P2RY8: variants seen among roughly 807,000 people sequenced by gnomAD.
P2RY8 encodes P2Y receptor family member 8.
Under a neutral mutation model 10.0 loss-of-function variants are expected in P2RY8, and 6 were observed. The ratio of observed to expected loss-of-function variants is 0.60; its 90% confidence interval spans 0.33 to 1.19. The LOEUF is 1.19. Among genes scored for constraint, P2RY8 ranks in the 50% most tolerant of loss-of-function variants. The pLI, the probability that P2RY8 is intolerant of heterozygous loss-of-function variation, is 0.04. For missense variants in P2RY8, 456 were observed against 542.0 expected (o/e 0.84, Z 1.58); for synonymous variants, 276 against 252.5 (o/e 1.09, Z -0.88).
intron 1 of P2RY8, among the ~76,000 whole-genome samples, chrX:1,479,300 G>A (rs1227051845): frequency 6.6e-6 from 1 of 152,202 alleles, no homozygotes; most frequent in Admixed American, 6.5e-5. Flanking sequence ...ATGTCTTGTG[G>A]TGTCTCTAAC....
chrX:1,475,357 C>T (rs2091863532), intron 1 of P2RY8, among the ~76,000 whole-genome samples: 1 of 151,768 alleles, frequency 6.6e-6, no homozygotes, highest in South Asian at 2.1e-4. Flanking sequence ...CCATGAAATG[C>T]CGATTGTTTC....
chrX:1,469,821 C>T (rs1334488678), intron 1 of P2RY8, among the ~76,000 whole-genome samples: 1 of 151,902 alleles, frequency 6.6e-6, no homozygotes, highest in Non-Finnish European at 1.5e-5. Context: ...ATGGCCTGAA[C>T]CCGGGAGGCG....
At chrX:1,472,292 C>G in intron 1 of P2RY8, among the ~76,000 whole-genome samples, 1 of 151,206 alleles carries the variant, frequency 6.6e-6, no homozygotes, top group East Asian at 1.9e-4. Flanking sequence ...AATTTAGGCA[C>G]AGACACAGAG....
At chrX:1,491,682 G>A (rs2092052164) in intron 1 of P2RY8, among the ~76,000 whole-genome samples, 1 of 152,090 alleles carries the variant, frequency 6.6e-6, no homozygotes, top group Non-Finnish European at 1.5e-5. Context: ...TGAGAATACA[G>A]AGCGAATGAG....
At chrX:1,505,137 C>CAAAAAAAAAAA (rs1175803425) in intron 1 of P2RY8, among the ~76,000 whole-genome samples, 1 of 99,734 alleles carries the variant, frequency 1.0e-5, no homozygotes, top group Non-Finnish European at 2.0e-5. Flanking sequence ...GACTCTGTCT[C>CAAAAAAAAAAA]AAAAAAAAAA....
intron 1 of P2RY8, among the ~76,000 whole-genome samples, chrX:1,504,278 T>G (rs1304190327): frequency 6.6e-6 from 1 of 150,542 alleles, no homozygotes; most frequent in Non-Finnish European, 1.5e-5. Context: ...ATGGCGCCAC[T>G]GCACTCCAGC....
At chrX:1,527,548 TATTC>T (rs1180958634) in intron 1 of P2RY8, among the ~76,000 whole-genome samples, 1 of 152,042 alleles carries the variant, frequency 6.6e-6, no homozygotes, top group African/African-American at 2.4e-5. Flanking sequence ...TTCATGTATC[TATTC>T]ATTCAATCAT....
Position 1,537,171 on chromosome X carries a change from C to T in P2RY8, c.-275G>A, listed in dbSNP as rs181962587. 8.6e-6 allele frequency: 2 copies of T among 232,626 alleles called. No homozygotes were observed. 14.4% of individuals were successfully genotyped at this position (232,626 alleles called of 1,614,324 possible). A position where few individuals can be genotyped will look rare whatever the true frequency, so the allele number is the denominator to read the frequency against. On this transcript the variant is annotated 5_prime_UTR_variant, in exon 1 of 2. The change creates a new upstream start codon in the 5' untranslated region. Transcript: ENST00000381297. ...TCGCTGGGTGGCCCACCGGCTGGCA[C>T]GACTGTCTCCGAATGCAAATTCTGC...
chrX:1,466,895 C>T (rs1318748690), intron 1 of P2RY8, among the ~76,000 whole-genome samples: 1 of 149,394 alleles, frequency 6.7e-6, no homozygotes, highest in Admixed American at 6.7e-5. Flanking sequence ...TCCTTCCCGC[C>T]CTCCCTCCCT....
At chrX:1,518,445 T>A (rs1167875384) in intron 1 of P2RY8, among the ~76,000 whole-genome samples, 30 of 146,638 alleles carry the variant, frequency 2.0e-4, no homozygotes, top group South Asian at 4.3e-4. Flanking sequence ...AAAATAATAA[T>A]AATATAATAA....
intron 1 of P2RY8, among the ~76,000 whole-genome samples, chrX:1,478,249 A>AG (rs2091897787): frequency 6.7e-6 from 1 of 148,342 alleles, no homozygotes; most frequent in African/African-American, 2.5e-5. Flanking sequence ...TGGCAGGCGT[A>AG]TGTGTGTGTG....
intron 1 of P2RY8, among the ~76,000 whole-genome samples, chrX:1,486,756 G>A (rs758769811): frequency 6.6e-6 from 1 of 152,326 alleles, no homozygotes; most frequent in South Asian, 2.1e-4. Flanking sequence ...CTTGAAGCAG[G>A]AAGGACATTC....
At position 1,524,391 on chromosome X, in the gene P2RY8, A is replaced by C. The variant is rs1430081702; in HGVS notation, c.-25+12530T>G. On this transcript the variant is annotated intron_variant, in intron 1 of 1. Transcript: ENST00000381297. ...CATCCACTCATCCATCCATCCATCCATCCCTCCATCCATGCATGCATCCAT... is the reference window on the plus strand; with the variant it reads ...CATCCACTCATCCATCCATCCATCCCTCCCTCCATCCATGCATGCATCCAT... Among the ~76,000 whole-genome samples, 8 of 136,676 alleles carry C rather than the reference A, an allele frequency of 5.9e-5. No homozygotes were observed. The East Asian group carries it at 6.7e-4, about 11-fold the overall frequency. The allele number at this position is 136,676 out of a possible 152,430, so 89.7% of individuals were successfully genotyped here.
Position 1,465,526 on chromosome X carries a change from C to G in P2RY8, c.1033G>C (p.Glu345Gln). 2 of 1,611,528 alleles carry G rather than the reference C, an allele frequency of 1.2e-6. No individual in the cohort carries two copies. Among genetic ancestry groups the G allele is most frequent in the South Asian group, 1.1e-5 (1 of 90,970 alleles). ...SEAGAHPEGMEGATRPGLQRQ... is the reference protein window; with the variant it reads ...SEAGAHPEGMQGATRPGLQRQ... ...TGGAGGCCGGGCCTGGTGGCTCCCT[C>G]CATCCCTTCAGGGTGCGCACCGGCC... Residue 345 changes from glutamate to glutamine, a missense_variant, in exon 2 of 2, where the codon GAG becomes CAG. By Grantham distance (29) the Glu-to-Gln change is conservative. Coordinates refer to ENST00000381297, the MANE Select transcript of P2RY8 (RefSeq NM_178129.5).
chrX:1,473,438 T>C (rs66602542), intron 1 of P2RY8, among the ~76,000 whole-genome samples: 67,839 of 133,190 alleles, frequency 0.51, 17,599 homozygotes, highest in South Asian at 0.63. Context: ...TGTGGGTGGA[T>C]GAATGGATGA....
At chrX:1,526,152 CTCATTCAT>C (rs199609195) in intron 1 of P2RY8, among the ~76,000 whole-genome samples, 4 of 146,616 alleles carry the variant, frequency 2.7e-5, no homozygotes, top group Non-Finnish European at 3.0e-5. Context: ...CATTCGTTCA[CTCATTCAT>C]TCATTCATTC....
chrX:1,504,322 A>AT (rs1473890370), intron 1 of P2RY8, among the ~76,000 whole-genome samples: 2 of 151,564 alleles, frequency 1.3e-5, no homozygotes, highest in Non-Finnish European at 2.9e-5. Flanking sequence ...TGTCAAAAAA[A>AT]AAAAAAGATT....
At chrX:1,484,363 G>A (rs1159643635) in intron 1 of P2RY8, among the ~76,000 whole-genome samples, 1 of 151,968 alleles carries the variant, frequency 6.6e-6, no homozygotes, top group East Asian at 1.9e-4. Context: ...AGGTTCTCAG[G>A]CCCACAGAAA....
chrX:1,516,703 C>T (rs1373585254), intron 1 of P2RY8, among the ~76,000 whole-genome samples: 5 of 151,678 alleles, frequency 3.3e-5, no homozygotes, highest in African/African-American at 9.7e-5. Context: ...GTATAAGTCA[C>T]GCAGTCTATG....
Sources: gnomAD v4.1 joint callset for allele counts (sites outside exome capture counted in the v4.1 genomes callset) on GRCh38, gnomAD v4.1.1 for gene constraint, MANE v1.5 for transcripts, NCBI Gene and HGNC (gene_info 2026-07-23, HGNC 2026-07-21) for gene names.